The following CFTR variants were observed in gnomAD, a reference collection of about 807,000 sequenced individuals.
The protein encoded by CFTR is CF transmembrane conductance regulator.
CFTR carries 181 observed loss-of-function variants against 171.6 expected under a neutral mutation model. That is an observed-to-expected ratio of 1.05 (90% CI 0.93 to 1.19). The LOEUF (loss-of-function observed/expected upper bound fraction) is 1.19, where lower values mean the gene tolerates loss of function less well. CFTR is among the 50% of genes most tolerant of loss of function. The pLI is 0.00. For missense variants in CFTR, 1,968 were observed against 1,734.7 expected, an observed-to-expected ratio of 1.13 and a Z score of -2.39; for synonymous variants, 583 against 608.0, an observed-to-expected ratio of 0.96 and a Z score of 0.60.
Position 117,667,537 on chromosome 7 carries a change from C to T in CFTR, c.*429C>T, listed in dbSNP as rs1272969418. 6 of 291,386 alleles carry T rather than the reference C, an allele frequency of 2.1e-5. No homozygotes were observed. Among genetic ancestry groups the T allele is most frequent in the Non-Finnish European group, 4.0e-5 (6 of 150,456 alleles). The allele number at this position is 291,386 out of a possible 1,614,324, so 18.1% of individuals were successfully genotyped here. A position where few individuals can be genotyped will look rare whatever the true frequency, so the allele number is the denominator to read the frequency against. ...TAGGGTTATGATTAAGTAATGATAACTGGAAACTTCAGCGGTTTATATAAG... is the reference window on the plus strand; with the variant it reads ...TAGGGTTATGATTAAGTAATGATAATTGGAAACTTCAGCGGTTTATATAAG... On this transcript the variant is annotated 3_prime_UTR_variant, in exon 27 of 27. Transcript: ENST00000003084.
In CFTR at chr7:117,642,485, A is replaced by G. The variant is rs200174447; in HGVS notation, c.3765A>G (p.Ser1255=). The G allele has an allele frequency of 6.2e-7, 1 of 1,613,722 alleles. No individual in the cohort carries two copies. The highest frequency in any genetic ancestry group is 8.5e-7 in the Non-Finnish European group (1 of 1,179,738). Residue 1255 remains serine (S), a synonymous_variant, in exon 23 of 27, where the codon TCA becomes TCG. Transcript: ENST00000003084. ...RTGSGKSTLL[S]AFLRLLNTEG... ...GATCAGGGAAGAGTACTTTGTTATC[A>G]GCTTTTTTGAGACTACTGAACACTG...
In CFTR at chr7:117,614,765, A is replaced by C; in HGVS notation, c.3468+52A>C. On this transcript the variant is annotated intron_variant, in intron 21 of 26. Transcript: ENST00000003084. ...TATGAAAAAAATTCAGACAAGTAAC[A>C]AAGTATGAGTAATAGCATGAGGAAG... 3 of 1,131,090 alleles carry C rather than the reference A, an allele frequency of 2.7e-6. No individual in the cohort carries two copies. In the South Asian group the frequency reaches 3.7e-5, roughly 14 times the overall value. 70.1% of individuals were successfully genotyped at this position (1,131,090 alleles called of 1,614,324 possible). A position where few individuals can be genotyped will look rare whatever the true frequency, so the allele number is the denominator to read the frequency against.
chr7:117,615,156 A>G (rs1792466137), intron 21 of CFTR, among the ~76,000 whole-genome samples: 1 of 152,072 alleles, frequency 6.6e-6, no homozygotes, highest in African/African-American at 2.4e-5. Context: ...AAATATAGGG[A>G]AGCTGCATAC....
chr7:117,635,910 C>G (rs1031005487), intron 22 of CFTR, among the ~76,000 whole-genome samples: 6 of 151,976 alleles, frequency 3.9e-5, no homozygotes, highest in Non-Finnish European at 5.9e-5. Context: ...AAAAATAGTT[C>G]TAATTTTATT....
intron 9 of CFTR, among the ~76,000 whole-genome samples, chr7:117,542,909 G>A (rs1799081319): frequency 6.6e-6 from 1 of 152,184 alleles, no homozygotes; most frequent in Non-Finnish European, 1.5e-5. Flanking sequence ...CTGATTGCAA[G>A]TTCCAGTCTA....
intron 1 of CFTR, among the ~76,000 whole-genome samples, chr7:117,493,822 T>C (rs903990213): frequency 1.4e-4 from 21 of 152,112 alleles, no homozygotes; most frequent in Non-Finnish European, 1.0e-4. Context: ...CCCAATTCCA[T>C]GTTTAGTTTG....
intron 22 of CFTR, among the ~76,000 whole-genome samples, chr7:117,632,604 A>C (rs1371066691): frequency 2.6e-5 from 4 of 152,004 alleles, no homozygotes; most frequent in African/African-American, 9.7e-5. Context: ...GAAAATGAAA[A>C]AGAACGCCAT....
At chr7:117,492,231 G>C (rs1187781755) in intron 1 of CFTR, among the ~76,000 whole-genome samples, 1 of 151,974 alleles carries the variant, frequency 6.6e-6, no homozygotes, top group Admixed American at 6.6e-5. Context: ...GGAAGTTTTA[G>C]GATGATCATC....
intron 12 of CFTR, among the ~76,000 whole-genome samples, chr7:117,589,843 G>C (rs1027686282): frequency 2.0e-5 from 3 of 151,950 alleles, no homozygotes; most frequent in African/African-American, 7.2e-5. Context: ...TTTATTAGCT[G>C]TCTCTGACAT....
intron 21 of CFTR, among the ~76,000 whole-genome samples, chr7:117,619,225 A>G (rs369512612): frequency 2.0e-5 from 3 of 152,244 alleles, no homozygotes; most frequent in East Asian, 3.8e-4. Context: ...TTTTAGTAAC[A>G]TAAGTCTTGT....
intron 10 of CFTR, among the ~76,000 whole-genome samples, chr7:117,551,449 T>G (rs1383818497): frequency 2.0e-5 from 3 of 152,216 alleles, no homozygotes; most frequent in Non-Finnish European, 4.4e-5. Context: ...TATTTTATAT[T>G]TCTAGATTTT....
At chr7:117,500,202 G>GT (rs1025900129) in intron 1 of CFTR, among the ~76,000 whole-genome samples, 42 of 148,784 alleles carry the variant, frequency 2.8e-4, no homozygotes, top group African/African-American at 6.2e-4. Context: ...TAGATGTCTG[G>GT]TTTTTTTTTG....
intron 23 of CFTR, among the ~76,000 whole-genome samples, chr7:117,652,332 T>G (rs118028075): frequency 0.015 from 2,231 of 152,302 alleles, 52 homozygotes; most frequent in Non-Finnish European, 0.015. Flanking sequence ...CCTTGGTTTA[T>G]AGATGAGATA....
chr7:117,572,702 C>T (rs946921931), intron 11 of CFTR, among the ~76,000 whole-genome samples: 1 of 152,134 alleles, frequency 6.6e-6, no homozygotes, highest in African/African-American at 2.4e-5. Flanking sequence ...CTTATTCCCC[C>T]CTTGTCCATT....
chr7:117,550,573 G>C (rs929140728), intron 10 of CFTR, among the ~76,000 whole-genome samples: 3 of 152,050 alleles, frequency 2.0e-5, no homozygotes, highest in Non-Finnish European at 2.9e-5. Context: ...AAATAAGTTA[G>C]CAATGGTCTA....
intron 15 of CFTR, among the ~76,000 whole-genome samples, chr7:117,602,580 G>A (rs1479155250): frequency 6.6e-6 from 1 of 152,196 alleles, no homozygotes; most frequent in East Asian, 1.9e-4. Flanking sequence ...GGAGAGAAAT[G>A]GCAGAGAATT....
intron 14 of CFTR, among the ~76,000 whole-genome samples, chr7:117,592,926 A>G (rs1048789540): frequency 6.6e-6 from 1 of 152,248 alleles, no homozygotes; most frequent in African/African-American, 2.4e-5. Context: ...AACTGTGACT[A>G]TAAGTTAGAA....
intron 14 of CFTR, among the ~76,000 whole-genome samples, chr7:117,594,541 A>C (rs1405557701): frequency 2.0e-5 from 3 of 152,174 alleles, no homozygotes; most frequent in African/African-American, 7.2e-5. Context: ...GTACTTGTCC[A>C]TGGACCCCTG....
At chr7:117,606,403 A>C (rs990594018) in intron 17 of CFTR, among the ~76,000 whole-genome samples, 3 of 152,188 alleles carry the variant, frequency 2.0e-5, no homozygotes, top group Non-Finnish European at 2.9e-5. Context: ...TTTATAGTAA[A>C]AGCTATTTCA....
Sources: gnomAD v4.1 joint callset for allele counts (sites outside exome capture counted in the v4.1 genomes callset) on GRCh38, gnomAD v4.1.1 for gene constraint, MANE v1.5 for transcripts, NCBI Gene and HGNC (gene_info 2026-07-23, HGNC 2026-07-21) for gene names.